AMOTL1: variants seen among roughly 807,000 people sequenced by gnomAD.
The protein encoded by AMOTL1 is angiomotin like 1.
AMOTL1 carries 45 observed loss-of-function variants against 102.9 expected under a neutral mutation model. The ratio of observed to expected loss-of-function variants is 0.44; its 90% CI spans 0.34 to 0.56. The LOEUF is 0.56. Among genes scored for constraint, AMOTL1 ranks in the 20% least tolerant of loss-of-function variants. AMOTL1 has a pLI of 0.01. For synonymous variants in AMOTL1, 481 were observed against 484.7 expected (o/e 0.99, Z 0.10); for missense variants, 1,114 against 1,225.6 (o/e 0.91, Z 1.36).
At chr11:94,866,639 G>A (rs962051118) in intron 11 of AMOTL1, 1 of 176,402 alleles carries the variant, frequency 5.7e-6, no homozygotes, top group East Asian at 1.5e-4. Context: ...TTACCCCATG[G>A]GGCGTGGGAG....
In AMOTL1 at chr11:94,859,585, C is replaced by T. The variant is rs769546960; in HGVS notation, c.2005C>T (p.Leu669Phe). Residue 669 changes from leucine (L) to phenylalanine (F), a missense_variant, in exon 9 of 13, where the codon CTT (leucine) becomes TTT (phenylalanine). Transcript: ENST00000433060. ...PEYNAPALLE[L>F]VREKEERILA... Reference sequence around the variant, plus strand: ...ATACAATGCCCCAGCCCTCCTGGAACTTGTGCGGGAGAAGGAGGAGCGGAT... The same window carrying T: ...ATACAATGCCCCAGCCCTCCTGGAATTTGTGCGGGAGAAGGAGGAGCGGAT... 3.1e-6 allele frequency: 5 copies of T among 1,613,932 alleles called. No individual in the cohort carries two copies. Among genetic ancestry groups the T allele is most frequent in the African/African-American group, 1.3e-5 (1 of 75,030 alleles).
intron 7 of AMOTL1, among the ~76,000 whole-genome samples, chr11:94,851,891 A>T (rs1952547334): frequency 1.3e-5 from 2 of 152,346 alleles, no homozygotes; most frequent in South Asian, 4.1e-4. Flanking sequence ...CCTGCCTTCA[A>T]GCTTCTTGCA....
At chr11:94,824,801 T>C (rs11020952) in intron 4 of AMOTL1, among the ~76,000 whole-genome samples, 37,957 of 152,192 alleles carry the variant, frequency 0.25, 5,346 homozygotes, top group East Asian at 0.46. Context: ...ACAGTTTCAT[T>C]CCATCTGAGT....
intron 2 of AMOTL1, among the ~76,000 whole-genome samples, chr11:94,729,841 T>TA (rs1319541137): frequency 6.6e-6 from 1 of 152,188 alleles, no homozygotes; most frequent in African/African-American, 2.4e-5. Context: ...CAAGCACTAG[T>TA]AATACAAGAA....
intron 1 of AMOTL1, among the ~76,000 whole-genome samples, chr11:94,774,188 C>T (rs190389057): frequency 6.6e-6 from 1 of 152,368 alleles, no homozygotes; most frequent in East Asian, 1.9e-4. Context: ...CCTGGAACCC[C>T]TGTTCTTACT....
chr11:94,718,173 G>A (rs1366717508), intron 1 of AMOTL1, among the ~76,000 whole-genome samples: 1 of 151,752 alleles, frequency 6.6e-6, no homozygotes, highest in African/African-American at 2.4e-5. Flanking sequence ...TATCTTTCTT[G>A]GAAAAAAATT....
chr11:94,784,656 T>C (rs1413562310), intron 1 of AMOTL1, among the ~76,000 whole-genome samples: 3 of 152,236 alleles, frequency 2.0e-5, no homozygotes, highest in Admixed American at 6.5e-5. Context: ...ATCCAACACA[T>C]TTTGTACTTA....
intron 6 of AMOTL1, among the ~76,000 whole-genome samples, chr11:94,842,882 G>T (rs1952334663): frequency 6.6e-6 from 1 of 152,080 alleles, no homozygotes; most frequent in African/African-American, 2.4e-5. Context: ...AGTTTGGTTT[G>T]AATTCCCCTT....
At chr11:94,708,131 GT>G (rs1949960362) in intron 1 of AMOTL1, among the ~76,000 whole-genome samples, 3 of 152,128 alleles carry the variant, frequency 2.0e-5, no homozygotes, top group Admixed American at 2.0e-4. Context: ...CTTTGCCTGA[GT>G]TATTGCATTA....
At chr11:94,833,854 G>A (rs1292137930) in intron 6 of AMOTL1, among the ~76,000 whole-genome samples, 1 of 152,162 alleles carries the variant, frequency 6.6e-6, no homozygotes, top group African/African-American at 2.4e-5. Flanking sequence ...TTGAATAATG[G>A]CAGTGAGAAA....
At chr11:94,793,101 G>T (rs1445219321) in intron 1 of AMOTL1, among the ~76,000 whole-genome samples, 1 of 151,954 alleles carries the variant, frequency 6.6e-6, no homozygotes, top group Non-Finnish European at 1.5e-5. Context: ...TATTTTAGTT[G>T]GACCTCAGTT....
chr11:94,769,809 C>T (rs980268279), intron 1 of AMOTL1, among the ~76,000 whole-genome samples: 1 of 152,088 alleles, frequency 6.6e-6, no homozygotes, highest in Admixed American at 6.5e-5. Flanking sequence ...ATTTTCTTCT[C>T]CTGAGGCATG....
intron 3 of AMOTL1, among the ~76,000 whole-genome samples, chr11:94,746,649 T>G (rs1950593192): frequency 6.6e-6 from 1 of 152,202 alleles, no homozygotes; most frequent in Non-Finnish European, 1.5e-5. Flanking sequence ...TTTTCCATTT[T>G]GGCTGCACAT....
intron 1 of AMOTL1, among the ~76,000 whole-genome samples, chr11:94,709,097 A>G (rs950891310): frequency 2.0e-5 from 3 of 152,204 alleles, no homozygotes; most frequent in African/African-American, 7.2e-5. Context: ...GCATTTATTG[A>G]GTGCCTACTC....
intron 1 of AMOTL1, among the ~76,000 whole-genome samples, chr11:94,708,277 G>T (rs115621072): frequency 0.015 from 2,340 of 152,254 alleles, 59 homozygotes; most frequent in African/African-American, 0.053. Context: ...ACTCTATTTG[G>T]AGTTTAGAAG....
At chr11:94,831,668 C>T (rs1952074867) in intron 6 of AMOTL1, 127 bp downstream of exon 6, 12 of 784,566 alleles carry the variant, frequency 1.5e-5, no homozygotes, top group Middle Eastern at 2.4e-4. Context: ...TAGCATACAA[C>T]CTATTGATCT....
chr11:94,866,193 C>T, intron 11 of AMOTL1, 25 bp downstream of exon 11: 2 of 1,608,302 alleles, frequency 1.2e-6, no homozygotes, highest in South Asian at 2.2e-5. Context: ...TCTGTCAGAC[C>T]ATGATTGGAA....
intron 8 of AMOTL1, among the ~76,000 whole-genome samples, chr11:94,855,203 C>G (rs900899274): frequency 5.3e-5 from 8 of 152,236 alleles, no homozygotes; most frequent in Non-Finnish European, 1.0e-4. Flanking sequence ...TGAGCGCATG[C>G]ACTCAGGCCA....
chr11:94,807,105 A>G (rs1951579984), intron 3 of AMOTL1, among the ~76,000 whole-genome samples: 5 of 152,206 alleles, frequency 3.3e-5, no homozygotes, highest in Admixed American at 3.3e-4. Flanking sequence ...TAAATAAAAC[A>G]TATTCATTGC....
Sources: gnomAD v4.1 joint callset for allele counts (sites outside exome capture counted in the v4.1 genomes callset) on GRCh38, gnomAD v4.1.1 for gene constraint, MANE v1.5 for transcripts, NCBI Gene and HGNC (gene_info 2026-07-23, HGNC 2026-07-21) for gene names.